Variants in ARHGEF7 observed in about 807,000 individuals in gnomAD.
ARHGEF7 encodes Rho guanine nucleotide exchange factor 7, also known as PAK-interacting exchange factor beta.
In ARHGEF7, 33 loss-of-function variants were observed where a neutral mutation model predicts 109.8. The observed-to-expected ratio is 0.30, with a 90% CI of 0.23 to 0.40. The LOEUF (loss-of-function observed/expected upper bound fraction) is 0.40, where lower values mean the gene tolerates loss of function less well. Ranked by LOEUF, ARHGEF7 falls within the 10% of genes least tolerant of loss-of-function variation. The probability of loss-of-function intolerance (pLI) is 1.00; values close to 1 mark genes in which losing one functional copy is unlikely to be tolerated. For synonymous variants in ARHGEF7, 458 were observed against 424.6 expected (o/e 1.08, Z -0.97); for missense variants, 938 against 1,098.5 (o/e 0.85, Z 2.07).
intron 19 of ARHGEF7, chr13:111,294,896 T>C (rs913142530): frequency 2.0e-6 from 2 of 985,874 alleles, no homozygotes; most frequent in South Asian, 4.7e-5. Context: ...GCCACAAGTA[T>C]ATAATAAGCT....
chr13:111,186,527 C>G (rs1198823508), intron 2 of ARHGEF7, among the ~76,000 whole-genome samples: 1 of 152,188 alleles, frequency 6.6e-6, no homozygotes, highest in African/African-American at 2.4e-5. Context: ...AAACGTACTG[C>G]TGGATTTCTG....
At chr13:111,132,192 TC>T in intron 1 of ARHGEF7, among the ~76,000 whole-genome samples, 1 of 152,366 alleles carries the variant, frequency 6.6e-6, no homozygotes, top group East Asian at 1.9e-4. Context: ...ATTTTTTCTT[TC>T]CTTTCCCACA....
Position 111,145,711 on chromosome 13 carries a change from G to A in ARHGEF7, c.166-8194G>A, listed in dbSNP as rs1227811257. ...GCTCTAGGCCCCTGCTTCCTGCCAG[G>A]GCCTCCTATTGGCTCAACCCCACCA... On this transcript the variant is annotated intron_variant, in intron 1 of 21. Transcript: ENST00000646102. This position sits in a 1 kb window ranked among gnomAD's most constrained non-coding sequence, Gnocchi z 4.3. 6.6e-6 allele frequency among the ~76,000 whole-genome samples: 1 copy of A among 152,186 alleles called. No homozygotes were observed. Among genetic ancestry groups the A allele is most frequent in the Non-Finnish European group, 1.5e-5 (1 of 68,044 alleles).
Position 111,292,108 on chromosome 13 carries a change from C to T in ARHGEF7, c.2135-10C>T, listed in dbSNP as rs1342553188. 7 of 1,610,290 alleles carry T rather than the reference C, an allele frequency of 4.3e-6. No homozygotes were observed. The highest frequency in any genetic ancestry group is 5.9e-6 in the Non-Finnish European group (7 of 1,178,254). On this transcript the variant is annotated splice_polypyrimidine_tract_variant and intron_variant, in intron 18 of 21. Coordinates refer to ENST00000646102, the MANE Select transcript of ARHGEF7 (RefSeq NM_001354046.2). ...CCTGTCGCGCCTGTCCCTCCGCCCG[C>T]CCGTCTTAGCATGGCAAGGCACTGA...
At chr13:111,172,932 A>G (rs1464396981) in intron 2 of ARHGEF7, among the ~76,000 whole-genome samples, 1 of 152,232 alleles carries the variant, frequency 6.6e-6, no homozygotes, top group Non-Finnish European at 1.5e-5. Context: ...CATCTCAAAT[A>G]TGAAAATCCA....
chr13:111,281,652 G>A (rs903050756), intron 15 of ARHGEF7, among the ~76,000 whole-genome samples: 2 of 152,172 alleles, frequency 1.3e-5, no homozygotes, highest in Non-Finnish European at 2.9e-5. Context: ...TCCCAGGGAC[G>A]TGTGTGTACA....
intron 6 of ARHGEF7, among the ~76,000 whole-genome samples, chr13:111,243,400 G>GC (rs1261020767): frequency 1.3e-5 from 2 of 152,070 alleles, no homozygotes; most frequent in African/African-American, 2.4e-5. Flanking sequence ...TGTTGTCCAC[G>GC]CCCCCATCCT....
chr13:111,123,498 CAT>C (rs1555339418), intron 1 of ARHGEF7, among the ~76,000 whole-genome samples: 94 of 151,866 alleles, frequency 6.2e-4, no homozygotes, highest in African/African-American at 2.2e-3. Context: ...CACACACATA[CAT>C]GCCCGTGCCA....
chr13:111,253,974 G>A (rs1857259235), intron 8 of ARHGEF7, among the ~76,000 whole-genome samples: 1 of 152,204 alleles, frequency 6.6e-6, no homozygotes, highest in Non-Finnish European at 1.5e-5. Flanking sequence ...GTTCTGCCGT[G>A]TTCTCTGGCT....
intron 5 of ARHGEF7, among the ~76,000 whole-genome samples, chr13:111,220,413 A>G (rs573394503): frequency 6.6e-6 from 1 of 152,314 alleles, no homozygotes; most frequent in South Asian, 2.1e-4. Flanking sequence ...CTGAACCACC[A>G]CAGTAAGAGT....
chr13:111,207,595 A>G (rs760161500), intron 3 of ARHGEF7, among the ~76,000 whole-genome samples: 1 of 152,244 alleles, frequency 6.6e-6, no homozygotes, highest in Non-Finnish European at 1.5e-5. Context: ...GAGGTTGCTC[A>G]CAGGAGCAGA....
At chr13:111,252,963 T>A (rs961645750) in intron 8 of ARHGEF7, among the ~76,000 whole-genome samples, 8 of 152,246 alleles carry the variant, frequency 5.3e-5, no homozygotes, top group Admixed American at 5.2e-4. Context: ...TCTGCTGCCC[T>A]AAGGCAGCCC....
chr13:111,287,115 G>T (rs1595545298), intron 17 of ARHGEF7, among the ~76,000 whole-genome samples: 1 of 152,340 alleles, frequency 6.6e-6, no homozygotes, highest in East Asian at 1.9e-4. Flanking sequence ...GCCCAGTGAG[G>T]TGACCGTGCT....
intron 2 of ARHGEF7, among the ~76,000 whole-genome samples, chr13:111,188,123 G>A (rs2079459565): frequency 6.6e-6 from 1 of 152,134 alleles, no homozygotes; most frequent in African/African-American, 2.4e-5. Context: ...GGGATCACTC[G>A]CTCTGTGGAG....
intron 2 of ARHGEF7, among the ~76,000 whole-genome samples, chr13:111,191,948 C>G (rs956536077): frequency 1.3e-5 from 2 of 152,176 alleles, no homozygotes; most frequent in African/African-American, 4.8e-5. Flanking sequence ...GCTGCTTAAT[C>G]ATATGATGAA....
At chr13:111,263,447 T>G (rs1332191857) in intron 8 of ARHGEF7, among the ~76,000 whole-genome samples, 2 of 152,266 alleles carry the variant, frequency 1.3e-5, no homozygotes, top group Non-Finnish European at 2.9e-5. Flanking sequence ...AAAATCAGTT[T>G]ATCCAGATTT....
intron 1 of ARHGEF7, among the ~76,000 whole-genome samples, chr13:111,117,894 C>G (rs1234235012): frequency 1.3e-5 from 2 of 152,192 alleles, no homozygotes; most frequent in South Asian, 2.1e-4. Flanking sequence ...TTCATGCTTA[C>G]CAGATAATCT....
Position 111,134,637 on chromosome 13 carries a change from GTTGT to G in ARHGEF7, c.165+18953_165+18956del, listed in dbSNP as rs561232486. 3.2e-3 allele frequency among the ~76,000 whole-genome samples: 481 copies of G among 151,840 alleles called. 3 individuals carry two copies. Among genetic ancestry groups the G allele is most frequent in the African/African-American group, 0.011 (453 of 41,402 alleles). On this transcript the variant is annotated intron_variant, in intron 1 of 21. Transcript: ENST00000646102. ...TATCCTTCACCCACTTTTTGATGGG[GTTGT>G]TTGTTTTTTTCTTGTAAATTTGTTT...
chr13:111,187,796 G>A (rs560329202), intron 2 of ARHGEF7, among the ~76,000 whole-genome samples: 17 of 152,272 alleles, frequency 1.1e-4, no homozygotes, highest in African/African-American at 3.9e-4. Context: ...TCTGTGACCC[G>A]TTTCTTTGTC....
Sources: gnomAD v4.1 joint callset for allele counts (sites outside exome capture counted in the v4.1 genomes callset) on GRCh38, gnomAD v4.1.1 for gene constraint, Gnocchi (gnomAD v3.1) non-coding constraint, MANE v1.5 for transcripts, NCBI Gene and HGNC (gene_info 2026-07-23, HGNC 2026-07-21) for gene names.